The following SH3PXD2A variants were observed in gnomAD, a reference collection of about 807,000 sequenced individuals.
The protein encoded by SH3PXD2A is SH3 and PX domain-containing protein 2A.
SH3PXD2A carries 32 observed loss-of-function variants against 115.2 expected under a neutral mutation model. That is an observed-to-expected ratio of 0.28 (90% CI 0.21 to 0.37). The LOEUF (loss-of-function observed/expected upper bound fraction) is 0.37, where lower values mean the gene tolerates loss of function less well. Ranked by LOEUF, SH3PXD2A falls within the 10% of genes least tolerant of loss-of-function variation. The pLI, the probability that SH3PXD2A is intolerant of heterozygous loss-of-function variation, is 1.00. For missense variants in SH3PXD2A, 1,328 were observed against 1,498.7 expected (o/e 0.89, Z 1.88); for synonymous variants, 610 against 629.1 (o/e 0.97, Z 0.45).
rs750383753 is a variant in SH3PXD2A, at chr10:103,665,878, C to T, written c.472+2730G>A. Among the ~76,000 whole-genome samples the T allele has an allele frequency of 6.6e-6, 1 of 152,132 alleles. No homozygotes were observed. The highest frequency in any genetic ancestry group is 6.5e-5 in the Admixed American group (1 of 15,278). ...GGTGTACCTCTTCTAGACAGCAGAGCCTCTCCTGGGTTGGAAGGGGCCTTT... is the reference window on the plus strand; with the variant it reads ...GGTGTACCTCTTCTAGACAGCAGAGTCTCTCCTGGGTTGGAAGGGGCCTTT... On this transcript the variant is annotated intron_variant, in intron 7 of 14. Transcript: ENST00000369774. This position sits in a 1 kb window ranked among gnomAD's most constrained non-coding sequence, Gnocchi z 4.0.
At chr10:103,695,102 G>A (rs1011643964) in intron 5 of SH3PXD2A, among the ~76,000 whole-genome samples, 23 of 152,320 alleles carry the variant, frequency 1.5e-4, no homozygotes, top group African/African-American at 5.5e-4. Context: ...GAAGGGCAGG[G>A]AGTGAGGGCA....
intron 8 of SH3PXD2A, among the ~76,000 whole-genome samples, chr10:103,645,573 C>T (rs564714213): frequency 1.4e-4 from 21 of 152,276 alleles, no homozygotes; most frequent in African/African-American, 4.1e-4. Flanking sequence ...TGGGCCTCTC[C>T]GCTTACAGGA....
rs568329718 is a variant in SH3PXD2A, at chr10:103,684,760, G to A, written c.427+8268C>T. ...AAAGGAAAATTAGGCTGTGTGCTGC[G>A]GTTCACACCTGTAATCCCAGCACTT... On this transcript the variant is annotated intron_variant, in intron 6 of 14. Coordinates refer to ENST00000369774, the MANE Select transcript of SH3PXD2A (RefSeq NM_001394015.1). Among the ~76,000 whole-genome samples, 48 of 152,190 alleles carry A rather than the reference G, an allele frequency of 3.2e-4. 1 individual carries two copies. Among genetic ancestry groups the A allele is most frequent in the Admixed American group, 1.8e-3 (28 of 15,284 alleles).
At chr10:103,792,489 G>A (rs992424658) in intron 2 of SH3PXD2A, among the ~76,000 whole-genome samples, 10 of 152,274 alleles carry the variant, frequency 6.6e-5, no homozygotes, top group South Asian at 4.1e-4. Context: ...CCTGTCTGGC[G>A]TCTCTGTGCC....
At chr10:103,621,427 C>A (rs1156412323) in intron 10 of SH3PXD2A, among the ~76,000 whole-genome samples, 1 of 152,214 alleles carries the variant, frequency 6.6e-6, no homozygotes, top group East Asian at 1.9e-4. Flanking sequence ...GTGCTCTGTG[C>A]CTGATGCTGA....
chr10:103,854,096 T>C lies in SH3PXD2A; in HGVS notation c.72+1099A>G, dbSNP rs143227206. On this transcript the variant is annotated intron_variant, in intron 1 of 14. Transcript: ENST00000369774. ...AACTCAAAGTTCAGAGCTACACTGGTGACAAAGGCAAAAAGAGTAGCCCGA... is the reference window on the plus strand; with the variant it reads ...AACTCAAAGTTCAGAGCTACACTGGCGACAAAGGCAAAAAGAGTAGCCCGA... Among the ~76,000 whole-genome samples the C allele has an allele frequency of 2.7e-3, 412 of 152,224 alleles. 1 individual carries two copies. Among genetic ancestry groups the C allele is most frequent in the African/African-American group, 9.4e-3 (392 of 41,510 alleles).
At chr10:103,619,905 C>G (rs2036577702) in intron 10 of SH3PXD2A, among the ~76,000 whole-genome samples, 1 of 152,212 alleles carries the variant, frequency 6.6e-6, no homozygotes, top group Non-Finnish European at 1.5e-5. Flanking sequence ...TCCTCCCTGG[C>G]AGGGCTAGGC....
chr10:103,852,996 T>C (rs1223961436), intron 1 of SH3PXD2A, among the ~76,000 whole-genome samples: 1 of 152,220 alleles, frequency 6.6e-6, no homozygotes, highest in Non-Finnish European at 1.5e-5. Context: ...TTCGGGTCTC[T>C]GCCCGTTCCA....
Position 103,816,854 on chromosome 10 carries a change from T to C in SH3PXD2A, c.73-15492A>G, listed in dbSNP as rs189007515. Among the ~76,000 whole-genome samples, 1,265 of 152,306 alleles carry C rather than the reference T, an allele frequency of 8.3e-3. 11 individuals carry two copies. The highest frequency in any genetic ancestry group is 0.017 in the Middle Eastern group (5 of 294). ...ATACAATAGAATATTATTCTTTTTT[T>C]TGAGACAGAGTCTTGCTCTGTCGTC... On this transcript the variant is annotated intron_variant, in intron 1 of 14. Transcript: ENST00000369774.
intron 2 of SH3PXD2A, among the ~76,000 whole-genome samples, chr10:103,771,454 T>C (rs916643544): frequency 4.6e-5 from 7 of 152,076 alleles, no homozygotes; most frequent in Admixed American, 2.6e-4. Context: ...AGAAATAAGT[T>C]AAACTGTAGC....
intron 1 of SH3PXD2A, among the ~76,000 whole-genome samples, chr10:103,840,094 C>A (rs2039582635): frequency 6.6e-6 from 1 of 152,254 alleles, no homozygotes; most frequent in African/African-American, 2.4e-5. Context: ...ATGGCGCCAA[C>A]AACAGCTGCT....
intron 9 of SH3PXD2A, among the ~76,000 whole-genome samples, chr10:103,625,712 C>T (rs574740051): frequency 6.6e-5 from 10 of 152,184 alleles, no homozygotes; most frequent in South Asian, 6.2e-4. Context: ...ACCAACATGG[C>T]GAGACCCCGT....
intron 2 of SH3PXD2A, among the ~76,000 whole-genome samples, chr10:103,789,312 G>C (rs984089835): frequency 6.6e-6 from 1 of 152,188 alleles, no homozygotes; most frequent in African/African-American, 2.4e-5. Flanking sequence ...ACTTAGTGCG[G>C]CAACACCCGT....
Position 103,702,101 on chromosome 10 carries a change from GCCAT to G in SH3PXD2A, c.399-9049_399-9046del, listed in dbSNP as rs534008698. The stretch of plus-strand genomic sequence containing the variant: ...CCATCATCCATCCACCTATCATCCA[GCCAT>G]CCATCCATCATCCATCCATCATTCA... On this transcript the variant is annotated intron_variant, in intron 5 of 14. Transcript: ENST00000369774. 3.0e-4 allele frequency among the ~76,000 whole-genome samples: 42 copies of G among 138,766 alleles called. 1 individual carries two copies. The South Asian group carries it at 5.1e-3, about 17-fold the overall frequency. The allele number at this position is 138,766 out of a possible 152,430, so 91.0% of individuals were successfully genotyped here.
chr10:103,837,341 C>T (rs896848753), intron 1 of SH3PXD2A, among the ~76,000 whole-genome samples: 1 of 152,220 alleles, frequency 6.6e-6, no homozygotes, highest in Admixed American at 6.5e-5. Context: ...AGCTCTACCA[C>T]TTGCTAGCAG....
intron 1 of SH3PXD2A, among the ~76,000 whole-genome samples, chr10:103,814,574 G>C (rs2039304612): frequency 6.6e-6 from 1 of 152,124 alleles, no homozygotes; most frequent in Non-Finnish European, 1.5e-5. Flanking sequence ...GGGATGGCTG[G>C]GGCAAGGGAC....
In SH3PXD2A at chr10:103,613,198, G is replaced by A. The variant is rs1313213504; in HGVS notation, c.921-8C>T. ...CCCTCTTTGCCCAGGTATCTGTGGG[G>A]AGGAGCAGGATGTGCTATCATTAGA... On this transcript the variant is annotated splice_polypyrimidine_tract_variant and splice_region_variant and intron_variant, in intron 11 of 14. Coordinates refer to ENST00000369774, the MANE Select transcript of SH3PXD2A (RefSeq NM_001394015.1). 1.9e-6 allele frequency: 3 copies of A among 1,580,802 alleles called. No individual in the cohort carries two copies. The highest frequency in any genetic ancestry group is 2.6e-6 in the Non-Finnish European group (3 of 1,165,280).
chr10:103,792,386 C>T (rs1017842358), intron 2 of SH3PXD2A, among the ~76,000 whole-genome samples: 1 of 152,150 alleles, frequency 6.6e-6, no homozygotes, highest in African/African-American at 2.4e-5. Flanking sequence ...TAACGGGGCA[C>T]AGGAAGAAAC....
At chr10:103,628,479 C>T (rs2036731115) in intron 8 of SH3PXD2A, among the ~76,000 whole-genome samples, 1 of 152,008 alleles carries the variant, frequency 6.6e-6, no homozygotes, top group South Asian at 2.1e-4. Context: ...GGGTCACTGC[C>T]CTTTTACGGT....
Sources: allele counts gnomAD v4.1 joint callset (sites outside exome capture counted in the v4.1 genomes callset), GRCh38; gene constraint gnomAD v4.1.1; non-coding constraint Gnocchi (gnomAD v3.1); transcripts MANE v1.5; gene names NCBI Gene and HGNC (gene_info 2026-07-23, HGNC 2026-07-21).